ARHGAP10: variants seen among roughly 807,000 people sequenced by gnomAD.
ARHGAP10 encodes the protein Rho GTPase activating protein 10.
Under a neutral mutation model 108.6 loss-of-function variants are expected in ARHGAP10, and 87 were observed. The ratio of observed to expected loss-of-function variants is 0.80; its 90% CI spans 0.67 to 0.96. The LOEUF (loss-of-function observed/expected upper bound fraction) is 0.96. Among genes scored for constraint, ARHGAP10 ranks in the 40% least tolerant of loss-of-function variants. ARHGAP10 has a pLI of 0.00. For missense variants in ARHGAP10, 939 were observed against 954.5 expected, an observed-to-expected ratio of 0.98 and a Z score of 0.21; for synonymous variants, 347 against 341.1, an observed-to-expected ratio of 1.02 and a Z score of -0.19.
intron 8 of ARHGAP10, among the ~76,000 whole-genome samples, chr4:147,878,207 T>A (rs550845666): frequency 6.6e-6 from 1 of 152,254 alleles, no homozygotes; most frequent in African/African-American, 2.4e-5. Flanking sequence ...CCTATTCACC[T>A]GCCTCAGCCT....
chr4:148,020,376 C>T (rs2149661615), intron 18 of ARHGAP10, among the ~76,000 whole-genome samples: 1 of 152,124 alleles, frequency 6.6e-6, no homozygotes, highest in South Asian at 2.1e-4. Context: ...TGCTGGTTTG[C>T]TGCACGTATC....
chr4:147,841,242 C>A (rs938988981), intron 3 of ARHGAP10, among the ~76,000 whole-genome samples: 2 of 152,248 alleles, frequency 1.3e-5, no homozygotes. Flanking sequence ...CAGAGCTATC[C>A]AAAACCCTTT....
rs867829786 is a variant in ARHGAP10, at chr4:147,767,649, C to T, written c.154+35194C>T. On this transcript the variant is annotated intron_variant, in intron 1 of 22. Coordinates refer to ENST00000336498, the MANE Select transcript of ARHGAP10 (RefSeq NM_024605.4). ...GGAGGATCGCTTGAGTCTAGGAGTT[C>T]GAGGCTGTAGGGTGCCATGGTCATA... is the stretch of plus-strand genomic sequence containing the variant. 6.6e-5 allele frequency among the ~76,000 whole-genome samples: 10 copies of T among 151,924 alleles called. No individual in the cohort carries two copies. In the East Asian group the frequency reaches 9.7e-4, roughly 15 times the overall value.
chr4:147,805,295 C>G (rs1160739626), intron 1 of ARHGAP10, among the ~76,000 whole-genome samples: 1 of 152,066 alleles, frequency 6.6e-6, no homozygotes, highest in African/African-American at 2.4e-5. Flanking sequence ...AGGTGTGAGG[C>G]TTTATTTCTG....
chr4:147,799,469 T>G (rs1731486747), intron 1 of ARHGAP10, among the ~76,000 whole-genome samples: 2 of 152,204 alleles, frequency 1.3e-5, no homozygotes, highest in Admixed American at 1.3e-4. Flanking sequence ...CAAGGCTGGA[T>G]GTTTTGCTGT....
intron 10 of ARHGAP10, among the ~76,000 whole-genome samples, chr4:147,895,700 GAC>G (rs1403660476): frequency 1.3e-5 from 2 of 149,616 alleles, no homozygotes; most frequent in African/African-American, 4.9e-5. Context: ...AAAAAAAAAA[GAC>G]AGCTTTATTT....
At position 147,880,779 on chromosome 4, in the gene ARHGAP10, G is replaced by C. The variant is rs540033109; in HGVS notation, c.940-1059G>C. Among the ~76,000 whole-genome samples, 13 of 152,274 alleles carry C rather than the reference G, an allele frequency of 8.5e-5. No individual in the cohort carries two copies. The East Asian group carries it at 2.5e-3, about 29-fold the overall frequency. On this transcript the variant is annotated intron_variant, in intron 9 of 22. Coordinates refer to ENST00000336498, the MANE Select transcript of ARHGAP10 (RefSeq NM_024605.4). ...CATAGATTAAATGGTTCTAGCTTTA[G>C]ATTATGAAAATATTTAATCTAGGGT...
chr4:147,825,371 C>T (rs375359350), intron 3 of ARHGAP10, among the ~76,000 whole-genome samples: 4 of 151,716 alleles, frequency 2.6e-5, no homozygotes, highest in Middle Eastern at 3.4e-3. Flanking sequence ...CAGTTGAGCC[C>T]GGGAGGCGGA....
chr4:147,913,193 A>G lies in ARHGAP10; in HGVS notation c.1228+54A>G. On this transcript the variant is annotated intron_variant, in intron 13 of 22. Coordinates refer to ENST00000336498, the MANE Select transcript of ARHGAP10 (RefSeq NM_024605.4). ...AGAGGCTATAGGTATGTAAAATCTA[A>G]AAGTCATTAAAAATACTTCTTGCTT... 3 of 1,497,742 alleles carry G rather than the reference A, an allele frequency of 2.0e-6. No individual in the cohort carries two copies. In the Middle Eastern group the frequency reaches 5.2e-4, roughly 258 times the overall value. The allele number at this position is 1,497,742 out of a possible 1,614,324, so 92.8% of individuals were successfully genotyped here. A position where few individuals can be genotyped will look rare whatever the true frequency, so the allele number is the denominator to read the frequency against.
At chr4:147,816,349 T>A (rs964307645) in intron 1 of ARHGAP10, among the ~76,000 whole-genome samples, 1 of 152,232 alleles carries the variant, frequency 6.6e-6, no homozygotes, top group Admixed American at 6.5e-5. Flanking sequence ...AATATTGGCC[T>A]TGAGCTCTGT....
At chr4:147,934,485 C>T (rs1285565595) in intron 13 of ARHGAP10, among the ~76,000 whole-genome samples, 1 of 152,194 alleles carries the variant, frequency 6.6e-6, no homozygotes, top group African/African-American at 2.4e-5. Context: ...GATGCCACTC[C>T]TCTATCCGTT....
chr4:147,822,861 A>G, intron 2 of ARHGAP10, 35 bp from the exon 3 acceptor site: 6 of 1,613,838 alleles, frequency 3.7e-6, no homozygotes, highest in East Asian at 2.2e-5. Flanking sequence ...TTCCTTTGCC[A>G]TGGCCACCAA....
rs147206747 is a variant in ARHGAP10 at position 148,032,853 on chromosome 4, A to G, written c.1867+9440A>G. 1.9e-3 allele frequency among the ~76,000 whole-genome samples: 294 copies of G among 152,336 alleles called. 1 individual carries two copies. The highest frequency in any genetic ancestry group is 6.6e-3 in the African/African-American group (275 of 41,578). On this transcript the variant is annotated intron_variant, in intron 19 of 22. Coordinates refer to ENST00000336498, the MANE Select transcript of ARHGAP10 (RefSeq NM_024605.4). ...AACTTGGACTCTCATGTTCGAGGGC[A>G]GGAAACATCCAGCTTGGGAGAAAGA...
At chr4:148,025,009 G>C (rs769555220) in intron 19 of ARHGAP10, among the ~76,000 whole-genome samples, 15 of 152,152 alleles carry the variant, frequency 9.9e-5, no homozygotes, top group Non-Finnish European at 1.9e-4. Context: ...TTAGGATCAC[G>C]TCTACTATTT....
rs1728401872 is a variant in ARHGAP10, at chr4:148,036,892, C to G, written c.1868-10000C>G. On this transcript the variant is annotated intron_variant, in intron 19 of 22. Transcript: ENST00000336498. The stretch of plus-strand genomic sequence containing the variant: ...CTAGGTAGATGAGGTCCTGGAACAC[C>G]ATGACATTTTGGTCCAGCCAAGCAT... Among the ~76,000 whole-genome samples the G allele has an allele frequency of 6.6e-5, 10 of 152,252 alleles. No individual in the cohort carries two copies. In the South Asian group the frequency reaches 2.1e-3, roughly 32 times the overall value.
rs562965885 is a variant in ARHGAP10 at position 148,007,154 on chromosome 4, T to C, written c.1717-16109T>C. On this transcript the variant is annotated intron_variant, in intron 18 of 22. Coordinates refer to ENST00000336498, the MANE Select transcript of ARHGAP10 (RefSeq NM_024605.4). ...GTTTAGAGAGCTAAATAAGAATGAC[T>C]TTAATATATGTGTTTGTGAAATGGT... Among the ~76,000 whole-genome samples the C allele has an allele frequency of 2.0e-5, 3 of 152,356 alleles. No homozygotes were observed. The South Asian group carries it at 6.2e-4, about 32-fold the overall frequency.
chr4:147,808,172 C>T (rs1731862535), intron 1 of ARHGAP10, among the ~76,000 whole-genome samples: 1 of 152,112 alleles, frequency 6.6e-6, no homozygotes, highest in Non-Finnish European at 1.5e-5. Flanking sequence ...TGTGGGACCC[C>T]AGTTACAAAG....
intron 1 of ARHGAP10, among the ~76,000 whole-genome samples, chr4:147,815,946 G>A (rs779931865): frequency 5.3e-5 from 8 of 152,176 alleles, no homozygotes; most frequent in Non-Finnish European, 1.2e-4. Context: ...ATAAGTTAGC[G>A]TTGTTGTAAG....
chr4:147,838,326 C>G (rs1190254950), intron 3 of ARHGAP10, among the ~76,000 whole-genome samples: 3 of 152,122 alleles, frequency 2.0e-5, no homozygotes, highest in Non-Finnish European at 2.9e-5. Flanking sequence ...ATTCCTGAAC[C>G]TGGCACAGTG....
Sources: allele counts gnomAD v4.1 joint callset (sites outside exome capture counted in the v4.1 genomes callset), GRCh38; gene constraint gnomAD v4.1.1; transcripts MANE v1.5; gene names NCBI Gene and HGNC (gene_info 2026-07-23, HGNC 2026-07-21).